Variants in MYH9 observed in about 807,000 individuals in gnomAD.
The protein encoded by MYH9 is myosin heavy chain 9, also known as myosin-9.
A neutral mutation model predicts 241.9 loss-of-function variants in MYH9; 29 were observed. That is an observed-to-expected ratio of 0.12 (90% CI 0.09 to 0.16). The LOEUF (loss-of-function observed/expected upper bound fraction) is 0.16. MYH9 is among the 10% of genes least tolerant of loss of function. The pLI is 1.00. For synonymous variants in MYH9, 1,047 were observed against 1,062.6 expected (o/e 0.99, Z 0.29); for missense variants, 1,803 against 2,595.5 (o/e 0.69, Z 6.63).
Position 36,315,428 on chromosome 22 carries a change from A to G in MYH9, c.1380+1089T>C, listed in dbSNP as rs139761004. 2.8e-3 allele frequency among the ~76,000 whole-genome samples: 427 copies of G among 152,234 alleles called. 2 individuals carry two copies. Among genetic ancestry groups the G allele is most frequent in the Middle Eastern group, 0.014 (4 of 294 alleles). ...AGTATCGGTTTCCCTACTAGACCTC[A>G]AAGTTGTCATGGGCAAGGGAGATGT... On this transcript the variant is annotated intron_variant, in intron 12 of 40. Transcript: ENST00000216181.
intron 2 of MYH9, 50 bp downstream of exon 2, chr22:36,348,854 A>ACCCCCCCC: frequency 1.4e-5 from 10 of 710,324 alleles, no homozygotes; most frequent in South Asian, 6.2e-5. Flanking sequence ...CCCCCCCCCC[A>ACCCCCCCC]CCTCGGAGCC....
chr22:36,305,882 G>T lies in MYH9; in HGVS notation c.2159+48C>A, dbSNP rs1266079706. 5.0e-6 allele frequency: 8 copies of T among 1,610,880 alleles called. No homozygotes were observed. The highest frequency in any genetic ancestry group is 6.8e-6 in the Non-Finnish European group (8 of 1,179,072). On this transcript the variant is annotated intron_variant, in intron 17 of 40. Coordinates refer to ENST00000216181, the MANE Select transcript of MYH9 (RefSeq NM_002473.6). This position sits in a 1 kb window ranked among gnomAD's most constrained non-coding sequence, Gnocchi z 4.7. ...CAGCAGCCCACCTCTGGGACTCACTGCACGCACAGCAGGGCCCAGGAGAAG... is the reference window on the plus strand; with the variant it reads ...CAGCAGCCCACCTCTGGGACTCACTTCACGCACAGCAGGGCCCAGGAGAAG...
chr22:36,285,685 G>A lies in MYH9; in HGVS notation c.5247C>T (p.Asn1749=), dbSNP rs146848144. 97 of 1,612,704 alleles carry A rather than the reference G, an allele frequency of 6.0e-5. No homozygotes were observed. The highest frequency in any genetic ancestry group is 8.9e-5 in the East Asian group (4 of 44,888). The change falls in exon 37 of 41, where the codon AAC becomes AAT. Residue 1749 remains asparagine (N), a synonymous_variant. Transcript: ENST00000216181. The surrounding 1 kb of genome is among the most constrained non-coding windows in gnomAD (Gnocchi z 7.0). The part of the protein sequence containing the change: ...EEEQGNTELI[N]DRLKKANLQI... ...GCAGGTTGGCCTTCTTCAGCCGGTC[G>A]TTGATCAGCTCCGTGTTGCCCTGCT...
chr22:36,302,296 T>C (rs778211833), intron 20 of MYH9: 86 of 382,878 alleles, frequency 2.2e-4, no homozygotes, highest in Non-Finnish European at 3.8e-4. Flanking sequence ...AAAGAGATTT[T>C]TTTTTTAAAG....
intron 3 of MYH9, among the ~76,000 whole-genome samples, chr22:36,332,205 AT>A (rs2017431921): frequency 6.6e-6 from 1 of 152,248 alleles, no homozygotes; most frequent in Non-Finnish European, 1.5e-5. Context: ...CGACACTCTC[AT>A]GACGAGAAGC....
At chr22:36,357,355 C>A (rs972264924) in intron 1 of MYH9, among the ~76,000 whole-genome samples, 3 of 152,134 alleles carry the variant, frequency 2.0e-5, no homozygotes, top group Non-Finnish European at 4.4e-5. Flanking sequence ...GAAGAAGGTA[C>A]GATCGCTCAA....
intron 31 of MYH9, 102 bp from the exon 32 acceptor site, chr22:36,289,399 G>A (rs1027302855): frequency 1.7e-5 from 19 of 1,103,202 alleles, no homozygotes; most frequent in South Asian, 2.7e-5. Context: ...CAGAGGCCAC[G>A]GTGGAGAGGA....
Position 36,327,446 on chromosome 22 carries a change from C to A in MYH9, c.518+15G>T, listed in dbSNP as rs774894763. 7 of 1,613,936 alleles carry A rather than the reference C, an allele frequency of 4.3e-6. No individual in the cohort carries two copies. Among genetic ancestry groups the A allele is most frequent in the Non-Finnish European group, 5.1e-6 (6 of 1,179,872 alleles). On this transcript the variant is annotated intron_variant, in intron 4 of 40. Transcript: ENST00000216181. ...GGGGTGAAACGAACCACTACCCAGA[C>A]GGAGAAATACTTACGTGCACAAGAT...
chr22:36,360,555 T>C (rs2017921859), intron 1 of MYH9, among the ~76,000 whole-genome samples: 1 of 151,264 alleles, frequency 6.6e-6, no homozygotes, highest in Non-Finnish European at 1.5e-5. Flanking sequence ...CTACTAAAAA[T>C]ACAAAAAATT....
At position 36,284,149 on chromosome 22, in the gene MYH9, G is replaced by A. The variant is rs145444485; in HGVS notation, c.5709C>T (p.Ala1903=). 437 of 1,614,180 alleles carry A rather than the reference G, an allele frequency of 2.7e-4. 8 individuals carry two copies. The highest frequency in any genetic ancestry group is 2.4e-3 in the South Asian group (215 of 91,088). The part of the protein sequence containing the change: ...RRKLQRELED[A]TETADAMNRE... ...GGTTCATGGCATCGGCCGTCTCAGT[G>A]GCGTCCTCCAGCTCGCGCTGCAGTT... Residue 1903 remains alanine (A), a synonymous_variant, in exon 40 of 41, where the codon GCC becomes GCT. Transcript: ENST00000216181.
At position 36,288,054 on chromosome 22, in the gene MYH9, T is replaced by G. The variant is rs113313325; in HGVS notation, c.4932+198A>C. Among the ~76,000 whole-genome samples the G allele has an allele frequency of 0.014, 2,148 of 152,330 alleles. 53 individuals carry two copies. The highest frequency in any genetic ancestry group is 0.047 in the African/African-American group (1,973 of 41,566). ...CCAGTCATACACCGTTTTGCAAGTT[T>G]GCTGTTGGACTATCATGTTTCCACT... is the stretch of plus-strand genomic sequence containing the variant. On this transcript the variant is annotated intron_variant, in intron 34 of 40. Transcript: ENST00000216181. This position sits in a 1 kb window ranked among gnomAD's most constrained non-coding sequence, Gnocchi z 4.8.
chr22:36,361,573 TA>T (rs201914962), intron 1 of MYH9, among the ~76,000 whole-genome samples: 71 of 150,160 alleles, frequency 4.7e-4, no homozygotes, highest in Admixed American at 1.5e-3. Flanking sequence ...CAATTTCTTT[TA>T]AAAAAAAAAT....
chr22:36,302,430 T>C, intron 20 of MYH9, 138 bp downstream of exon 20: 1 of 715,520 alleles, frequency 1.4e-6, no homozygotes, highest in Non-Finnish European at 2.5e-6. Flanking sequence ...GGAGGATTGC[T>C]GGAGCCCAAG....
rs906586633 is a variant in MYH9 at position 36,378,825 on chromosome 22, C to G, written c.-20+8982G>C. 2.0e-5 allele frequency among the ~76,000 whole-genome samples: 3 copies of G among 150,038 alleles called. No homozygotes were observed. In the South Asian group the frequency reaches 6.3e-4, roughly 31 times the overall value. On this transcript the variant is annotated intron_variant, in intron 1 of 40. Transcript: ENST00000216181. ...GCTTGGCTAAACAGGGCATAAACAT[C>G]AAAAAAAAAGAGAGTCACCATTTAG...
rs9610488 is a variant in MYH9, at chr22:36,316,223, G to A, written c.1380+294C>T. ...CGGCTAATGTATTTTTAGTAGAGAC[G>A]GGGTTTCTCCATGTTGGTCAGGCTG... On this transcript the variant is annotated intron_variant, in intron 12 of 40. Coordinates refer to ENST00000216181, the MANE Select transcript of MYH9 (RefSeq NM_002473.6). 0.2 allele frequency among the ~76,000 whole-genome samples: 30,315 copies of A among 151,394 alleles called. 4,024 individuals carry two copies. Among genetic ancestry groups the A allele is most frequent in the East Asian group, 0.62 (3,204 of 5,132 alleles).
At chr22:36,384,581 T>A (rs2018309823) in intron 1 of MYH9, among the ~76,000 whole-genome samples, 3 of 8,528 alleles carry the variant, frequency 3.5e-4, no homozygotes, top group Admixed American at 2.5e-3. Flanking sequence ...AGACTCTGTC[T>A]CAAAAAAAAA....
intron 19 of MYH9, among the ~76,000 whole-genome samples, chr22:36,302,981 G>C (rs945240639): frequency 7.2e-5 from 11 of 152,216 alleles, no homozygotes; most frequent in African/African-American, 1.7e-4. Flanking sequence ...TCAGTGTGGG[G>C]ACTGAGCGTG....
Position 36,304,134 on chromosome 22 carries a change from T to C in MYH9, c.2251A>G (p.Ser751Gly). 1 of 1,613,576 alleles carries C rather than the reference T, an allele frequency of 6.2e-7. No homozygotes were observed. The highest frequency in any genetic ancestry group is 8.5e-7 in the Non-Finnish European group (1 of 1,180,034). Reference sequence around the variant, plus strand: ...CTCTGGCCAATGCGGTACAGATTGCTGTCGAGCTCCAGGGCTTTTATCTAG... The same window carrying C: ...CTCTGGCCAATGCGGTACAGATTGCCGTCGAGCTCCAGGGCTTTTATCTAG... Reference protein sequence around the residue: ...VLMIKALELDSNLYRIGQSKV... With the variant: ...VLMIKALELDGNLYRIGQSKV... Residue 751 changes from serine to glycine, a missense_variant, in exon 19 of 41, where the codon AGC becomes GGC. Physicochemically the swap from Ser to Gly is moderately conservative, Grantham distance 56 (BLOSUM62 0). Around this residue, in one of 11 missense-constraint regions of MYH9, gnomAD observed 72 missense variants for 83.3 expected, o/e 0.86. Transcript: ENST00000216181.
At chr22:36,381,634 C>A (rs2018257186) in intron 1 of MYH9, among the ~76,000 whole-genome samples, 1 of 152,110 alleles carries the variant, frequency 6.6e-6, no homozygotes, top group Admixed American at 6.6e-5. Flanking sequence ...ACTGCATGCA[C>A]AGAGCAGAGT....
Sources: allele counts gnomAD v4.1 joint callset (sites outside exome capture counted in the v4.1 genomes callset), GRCh38; gene constraint gnomAD v4.1.1; regional missense constraint gnomAD v4.1.1; non-coding constraint Gnocchi (gnomAD v3.1); transcripts MANE v1.5; gene names NCBI Gene and HGNC (gene_info 2026-07-23, HGNC 2026-07-21).